Variants in UNC79 observed in about 807,000 individuals in gnomAD.
The protein encoded by UNC79 is unc-79 subunit of NALCN channel complex.
In UNC79, 37 loss-of-function variants were observed where a neutral mutation model predicts 283.1. That is an observed-to-expected ratio of 0.13 (90% CI 0.10 to 0.17). The LOEUF is 0.17. UNC79 is among the 10% of genes least tolerant of loss of function. UNC79 has a pLI of 1.00. For synonymous variants in UNC79, 1,107 were observed against 1,200.2 expected (o/e 0.92, Z 1.61); for missense variants, 2,272 against 3,211.1 (o/e 0.71, Z 7.07).
intron 11 of UNC79, among the ~76,000 whole-genome samples, chr14:93,537,427 G>T (rs2061145999): frequency 6.6e-6 from 1 of 152,234 alleles, no homozygotes; most frequent in South Asian, 2.1e-4. Flanking sequence ...CTGGCTTGAG[G>T]CCATCACTTT....
At chr14:93,478,944 G>C (rs2057956500) in intron 4 of UNC79, among the ~76,000 whole-genome samples, 1 of 152,110 alleles carries the variant, frequency 6.6e-6, no homozygotes, top group Non-Finnish European at 1.5e-5. Flanking sequence ...TCAGCAAAGA[G>C]TTTGACTTCT....
At chr14:93,465,867 G>C (rs1010238933) in intron 1 of UNC79, among the ~76,000 whole-genome samples, 2 of 152,186 alleles carry the variant, frequency 1.3e-5, no homozygotes, top group Non-Finnish European at 2.9e-5. Context: ...TCATTACTGT[G>C]ACAGTGGGTG....
chr14:93,600,853 T>C, intron 25 of UNC79, 83 bp downstream of exon 25: 1 of 1,485,548 alleles, frequency 6.7e-7, no homozygotes, highest in Non-Finnish European at 9.2e-7. Flanking sequence ...TGGCATGTCG[T>C]TTAATTCCTC....
chr14:93,492,176 G>A (rs1232169153), intron 5 of UNC79, among the ~76,000 whole-genome samples: 3 of 152,078 alleles, frequency 2.0e-5, no homozygotes, highest in Non-Finnish European at 4.4e-5. Context: ...ATGTCTAATT[G>A]GGAAGATCAG....
At chr14:93,681,109 T>C (rs1000848181) in intron 41 of UNC79, among the ~76,000 whole-genome samples, 1 of 152,236 alleles carries the variant, frequency 6.6e-6, no homozygotes, top group Non-Finnish European at 1.5e-5. Context: ...TCCCCTTCTA[T>C]GCCAGATTCA....
chr14:93,600,737 T>G, exon 25 of UNC79: 2 of 1,613,762 alleles, frequency 1.2e-6, no homozygotes, highest in Non-Finnish European at 1.7e-6. Context: ...CCAGCTACAT[T>G]TGGATTGTAA....
chr14:93,422,362 T>TC (rs1281489995), intron 1 of UNC79, among the ~76,000 whole-genome samples: 7 of 152,066 alleles, frequency 4.6e-5, no homozygotes, highest in Non-Finnish European at 1.0e-4. Flanking sequence ...GACCAAAGCT[T>TC]ATCATGCAGA....
At chr14:93,477,055 G>A (rs1327852623) in intron 3 of UNC79, among the ~76,000 whole-genome samples, 1 of 152,190 alleles carries the variant, frequency 6.6e-6, no homozygotes, top group Non-Finnish European at 1.5e-5. Context: ...CAATGCACAT[G>A]GTCATGTAGC....
chr14:93,637,198 C>A lies in UNC79; in HGVS notation c.5717-18C>A, dbSNP rs762221724. The A allele has an allele frequency of 1.9e-6, 2 of 1,035,020 alleles. No individual in the cohort carries two copies. Among genetic ancestry groups the A allele is most frequent in the African/African-American group, 1.6e-5 (1 of 63,690 alleles). The allele number at this position is 1,035,020 out of a possible 1,614,324, so 64.1% of individuals were successfully genotyped here. A position where few individuals can be genotyped will look rare whatever the true frequency, so the allele number is the denominator to read the frequency against. On this transcript the variant is annotated intron_variant, in intron 31 of 48. Coordinates refer to ENST00000555664, the Ensembl canonical transcript of UNC79. ...AAGATGACCACATCAAAGACTGAAA[C>A]CCTCTATTTATCCACAGAACAGATA...
At position 93,688,054 on chromosome 14, in the gene UNC79, G is replaced by A. The variant is rs1476538202; in HGVS notation, c.6910-611G>A. 1.3e-5 allele frequency among the ~76,000 whole-genome samples: 2 copies of A among 152,152 alleles called. No individual in the cohort carries two copies. Among genetic ancestry groups the A allele is most frequent in the Non-Finnish European group, 2.9e-5 (2 of 68,028 alleles). On this transcript the variant is annotated intron_variant, in intron 43 of 48. Coordinates refer to ENST00000555664, the Ensembl canonical transcript of UNC79. This position sits in a 1 kb window ranked among gnomAD's most constrained non-coding sequence, Gnocchi z 4.0. ...GCCCTTCCCACTGAGCTCACACTGA[G>A]CAAAGAAATCTTTCTAAATTAATTC...
At chr14:93,494,998 CT>C (rs2058949205) in intron 5 of UNC79, among the ~76,000 whole-genome samples, 1 of 152,020 alleles carries the variant, frequency 6.6e-6, no homozygotes, top group Non-Finnish European at 1.5e-5. Context: ...GAAAAGTCTC[CT>C]GGTGTACCTC....
chr14:93,467,632 T>TTTTTTTTTC, intron 1 of UNC79, 39 bp from the exon 2 acceptor site: 1 of 515,076 alleles, frequency 1.9e-6, no homozygotes, highest in Non-Finnish European at 2.3e-6. Context: ...TTCTTCCTTT[T>TTTTTTTTTC]TTTTTTTTTT....
At chr14:93,489,723 G>C (rs1225865118) in intron 5 of UNC79, among the ~76,000 whole-genome samples, 2 of 152,250 alleles carry the variant, frequency 1.3e-5, no homozygotes, top group Non-Finnish European at 2.9e-5. Context: ...TGGTGGCCCT[G>C]CATAGCAGCT....
intron 7 of UNC79, among the ~76,000 whole-genome samples, chr14:93,503,071 ATATGT>A (rs1346422393): frequency 6.6e-6 from 1 of 152,150 alleles, no homozygotes; most frequent in African/African-American, 2.4e-5. Flanking sequence ...ACCTCCTACC[ATATGT>A]TCCCTCTTAC....
chr14:93,647,996 C>T (rs1439948940), intron 35 of UNC79, among the ~76,000 whole-genome samples: 2 of 152,150 alleles, frequency 1.3e-5, no homozygotes, highest in African/African-American at 4.8e-5. Context: ...GAAAACCACC[C>T]CTATGATTCA....
chr14:93,543,265 G>T (rs1273731445), intron 14 of UNC79, among the ~76,000 whole-genome samples: 1 of 151,750 alleles, frequency 6.6e-6, no homozygotes, highest in Non-Finnish European at 1.5e-5. Flanking sequence ...TGCCAAAAAG[G>T]TTCAGGGTCA....
chr14:93,580,236 G>T lies in UNC79; in HGVS notation c.2521G>T (p.Ala841Ser), dbSNP rs752195989. ...TTCTATTATAAACAATGTCTTCCAA[G>T]CCCCCTGGGGGGGATCCCACACCTG... The change falls in exon 19 of 49, where the codon GCC (alanine) becomes TCC (serine). Residue 841 changes from alanine to serine, a missense_variant. By Grantham distance (99) the Ala-to-Ser change is moderately conservative. Coordinates refer to ENST00000555664, the Ensembl canonical transcript of UNC79. 20 of 1,614,002 alleles carry T rather than the reference G, an allele frequency of 1.2e-5. No individual in the cohort carries two copies. The East Asian group carries it at 4.0e-4, about 32-fold the overall frequency.
intron 1 of UNC79, among the ~76,000 whole-genome samples, chr14:93,355,115 C>T (rs982442121): frequency 6.6e-6 from 1 of 151,880 alleles, no homozygotes; most frequent in African/African-American, 2.4e-5. Context: ...CTGCAACCTC[C>T]TCCTCCTGGG....
At chr14:93,487,151 AT>A (rs1444849170) in intron 4 of UNC79, among the ~76,000 whole-genome samples, 1 of 152,214 alleles carries the variant, frequency 6.6e-6, no homozygotes, top group East Asian at 1.9e-4. Flanking sequence ...ATATATCATT[AT>A]TTTTTATAAT....
Sources: gnomAD v4.1 joint callset for allele counts (sites outside exome capture counted in the v4.1 genomes callset) on GRCh38, gnomAD v4.1.1 for gene constraint, Gnocchi (gnomAD v3.1) non-coding constraint, MANE v1.5 for transcripts, NCBI Gene and HGNC (gene_info 2026-07-23, HGNC 2026-07-21) for gene names.